Variants in GNG2 observed in about 807,000 individuals in gnomAD.
GNG2 encodes guanine nucleotide-binding protein G(I)/G(S)/G(O) subunit gamma-2.
In GNG2, 5 loss-of-function variants were observed where a neutral mutation model predicts 5.5. The ratio of observed to expected loss-of-function variants is 0.91; its 90% confidence interval spans 0.48 to 1.92. The LOEUF (loss-of-function observed/expected upper bound fraction) is 1.92. GNG2 is among the 30% of genes most tolerant of loss of function. The pLI is 0.01. For synonymous variants in GNG2, 28 were observed against 32.0 expected, an observed-to-expected ratio of 0.88 and a Z score of 0.42; for missense variants, 55 against 88.4, an observed-to-expected ratio of 0.62 and a Z score of 1.52.
At chr14:51,842,705 C>T (rs1445992556) in intron 2 of GNG2, among the ~76,000 whole-genome samples, 1 of 149,702 alleles carries the variant, frequency 6.7e-6, no homozygotes, top group African/African-American at 2.5e-5. Flanking sequence ...CACTCTGTTG[C>T]CCAGGCTGGA....
chr14:51,838,339 G>A (rs1449573020), intron 2 of GNG2, among the ~76,000 whole-genome samples: 1 of 152,078 alleles, frequency 6.6e-6, no homozygotes, highest in African/African-American at 2.4e-5. Context: ...AGCTGCTCAG[G>A]AGGCTGAGGC....
In GNG2 at chr14:51,966,961, A is replaced by ACCCCCCCCCC. The variant is rs1889954367; in HGVS notation, c.*274_*275insCCCCCCCCCC. On this transcript the variant is annotated 3_prime_UTR_variant, in exon 4 of 4. Coordinates refer to ENST00000556766, the MANE Select transcript of GNG2 (RefSeq NM_053064.5). ...TGTCACTTCTTTTCTGCTATCCCCC[A>ACCCCCCCCCC]GCCCCCCCCCCAAAATCCTCATGTT... 3 of 70,410 alleles carry ACCCCCCCCCC rather than the reference A, an allele frequency of 4.3e-5. No individual in the cohort carries two copies. Among genetic ancestry groups the ACCCCCCCCCC allele is most frequent in the Admixed American group, 1.8e-4 (1 of 5,584 alleles). 4.4% of individuals were successfully genotyped at this position (70,410 alleles called of 1,614,324 possible). A position where few individuals can be genotyped will look rare whatever the true frequency, so the allele number is the denominator to read the frequency against.
chr14:51,969,480 T>C lies in GNG2; in HGVS notation c.*2793T>C, dbSNP rs977425452. On this transcript the variant is annotated 3_prime_UTR_variant, in exon 4 of 4. Transcript: ENST00000556766. Reference sequence around the variant, plus strand: ...AACAATAAATTTAAAAATCAAACGATTTCTCCATACGCTCATAGTCACATA... The same window carrying C: ...AACAATAAATTTAAAAATCAAACGACTTCTCCATACGCTCATAGTCACATA... 1 of 152,228 alleles carries C rather than the reference T, an allele frequency of 6.6e-6. No individual in the cohort carries two copies. Among genetic ancestry groups the C allele is most frequent in the African/African-American group, 2.4e-5 (1 of 41,468 alleles). The allele number at this position is 152,228 out of a possible 1,614,324, so 9.4% of individuals were successfully genotyped here.
At chr14:51,944,124 G>T (rs1478756699) in intron 2 of GNG2, among the ~76,000 whole-genome samples, 1 of 152,120 alleles carries the variant, frequency 6.6e-6, no homozygotes, top group African/African-American at 2.4e-5. Context: ...AGCATAAAGA[G>T]CACAGAAATA....
intron 3 of GNG2, among the ~76,000 whole-genome samples, chr14:51,957,163 C>T (rs1454675342): frequency 6.6e-6 from 1 of 152,136 alleles, no homozygotes; most frequent in Non-Finnish European, 1.5e-5. Context: ...GTAGATCCCA[C>T]CTCTCTAACC....
chr14:51,909,809 A>G (rs990793642), intron 2 of GNG2, among the ~76,000 whole-genome samples: 3 of 152,226 alleles, frequency 2.0e-5, no homozygotes, highest in African/African-American at 7.2e-5. Context: ...ATGAAGAGAA[A>G]TGGATTGTGG....
chr14:51,878,370 C>T (rs1380482972), intron 2 of GNG2, among the ~76,000 whole-genome samples: 1 of 152,152 alleles, frequency 6.6e-6, no homozygotes, highest in African/African-American at 2.4e-5. Flanking sequence ...TGAACGCCTA[C>T]ATCCCCATCA....
intron 1 of GNG2, among the ~76,000 whole-genome samples, chr14:51,871,281 CT>C (rs1340676541): frequency 6.8e-6 from 1 of 146,748 alleles, no homozygotes; most frequent in East Asian, 2.0e-4. Flanking sequence ...AGTTCTATGT[CT>C]TTTAAAATTA....
intron 3 of GNG2, among the ~76,000 whole-genome samples, chr14:51,956,508 A>G (rs1024517849): frequency 1.3e-5 from 2 of 152,204 alleles, no homozygotes; most frequent in African/African-American, 4.8e-5. Context: ...CTGGTATCAT[A>G]AAAGAAGTAT....
chr14:51,955,885 C>A (rs1431744699), intron 3 of GNG2, among the ~76,000 whole-genome samples: 1 of 152,124 alleles, frequency 6.6e-6, no homozygotes, highest in African/African-American at 2.4e-5. Flanking sequence ...ATGGACATTT[C>A]TAATGATTAA....
chr14:51,967,440 A>G lies in GNG2; in HGVS notation c.*753A>G, dbSNP rs1310266438. On this transcript the variant is annotated 3_prime_UTR_variant, in exon 4 of 4. Transcript: ENST00000556766. ...CTGGTGCTTTCATATATTTGTGACA[A>G]TTTTTGAGTAATATTGCATGAAAAT... 1 of 152,068 alleles carries G rather than the reference A, an allele frequency of 6.6e-6. No individual in the cohort carries two copies. The highest frequency in any genetic ancestry group is 1.5e-5 in the Non-Finnish European group (1 of 68,016). 9.4% of individuals were successfully genotyped at this position (152,068 alleles called of 1,614,324 possible).
intron 1 of GNG2, among the ~76,000 whole-genome samples, chr14:51,872,692 A>G (rs762901996): frequency 6.6e-5 from 10 of 152,206 alleles, no homozygotes; most frequent in Non-Finnish European, 1.2e-4. Flanking sequence ...CCTAAGCCCT[A>G]TTGTGATGTT....
chr14:51,829,905 C>T (rs1451806149), intron 2 of GNG2, among the ~76,000 whole-genome samples: 4 of 150,406 alleles, frequency 2.7e-5, no homozygotes, highest in Admixed American at 1.3e-4. Flanking sequence ...TGCAGTGGCA[C>T]GATCTCAGCT....
At chr14:51,905,379 C>T (rs1042370333) in intron 2 of GNG2, among the ~76,000 whole-genome samples, 1 of 152,114 alleles carries the variant, frequency 6.6e-6, no homozygotes, top group African/African-American at 2.4e-5. Flanking sequence ...TAAACGAAAA[C>T]TACAGTAGAT....
chr14:51,868,752 C>T (rs1188344305), intron 1 of GNG2, among the ~76,000 whole-genome samples: 1 of 152,170 alleles, frequency 6.6e-6, no homozygotes, highest in African/African-American at 2.4e-5. Flanking sequence ...TTTTTCCCTA[C>T]AGAAAGCAGC....
intron 2 of GNG2, among the ~76,000 whole-genome samples, chr14:51,891,805 A>G (rs1225388250): frequency 6.6e-6 from 1 of 152,214 alleles, no homozygotes; most frequent in Non-Finnish European, 1.5e-5. Context: ...TGTGTGAAAT[A>G]TCACACACTT....
intron 2 of GNG2, among the ~76,000 whole-genome samples, chr14:51,845,712 T>C (rs1211598505): frequency 6.6e-6 from 1 of 152,112 alleles, no homozygotes; most frequent in Non-Finnish European, 1.5e-5. Flanking sequence ...AGAAGTCCCA[T>C]GGTAAATAAA....
chr14:51,961,108 A>C (rs1034754004), intron 3 of GNG2, among the ~76,000 whole-genome samples: 2 of 152,074 alleles, frequency 1.3e-5, no homozygotes, highest in South Asian at 2.1e-4. Context: ...AATTTATCTT[A>C]TCTCCCTTCT....
At chr14:51,937,335 G>GA (rs1417901980) in intron 2 of GNG2, among the ~76,000 whole-genome samples, 1 of 152,132 alleles carries the variant, frequency 6.6e-6, no homozygotes, top group Non-Finnish European at 1.5e-5. Flanking sequence ...AATGGAGCAG[G>GA]ATGGTAAATC....
Sources: allele counts gnomAD v4.1 joint callset (sites outside exome capture counted in the v4.1 genomes callset), GRCh38; gene constraint gnomAD v4.1.1; transcripts MANE v1.5; gene names NCBI Gene and HGNC (gene_info 2026-07-23, HGNC 2026-07-21).